Variants in ZNF148 observed in about 807,000 individuals in gnomAD.
ZNF148 encodes zinc finger protein 148, also known as Beta-Enolase Repressor Factor-1.
ZNF148 carries 7 observed loss-of-function variants against 67.7 expected under a neutral mutation model. The observed-to-expected ratio is 0.10, with a 90% confidence interval of 0.06 to 0.19. The LOEUF (loss-of-function observed/expected upper bound fraction) is 0.19. ZNF148 is among the 10% of genes least tolerant of loss of function. ZNF148 has a pLI of 1.00. For missense variants in ZNF148, 583 were observed against 947.1 expected, an observed-to-expected ratio of 0.62 and a Z score of 5.05; for synonymous variants, 333 against 330.7, an observed-to-expected ratio of 1.01 and a Z score of -0.08.
At chr3:125,242,580 G>A (rs1460000283) in intron 7 of ZNF148, among the ~76,000 whole-genome samples, 1 of 152,162 alleles carries the variant, frequency 6.6e-6, no homozygotes, top group East Asian at 1.9e-4. Flanking sequence ...ACAGTGAGCC[G>A]AGACTGCGCC....
chr3:125,237,712 T>G (rs958026087), intron 7 of ZNF148, among the ~76,000 whole-genome samples: 1 of 152,222 alleles, frequency 6.6e-6, no homozygotes, highest in African/African-American at 2.4e-5. Context: ...CAATTAATTC[T>G]ATATATTTGT....
chr3:125,329,205 C>A (rs933481015), intron 2 of ZNF148, among the ~76,000 whole-genome samples: 1 of 148,914 alleles, frequency 6.7e-6, no homozygotes, highest in Non-Finnish European at 1.5e-5. Flanking sequence ...TATGGAAAAA[C>A]ACATATATAT....
At chr3:125,306,055 T>C (rs1939860595) in intron 4 of ZNF148, among the ~76,000 whole-genome samples, 1 of 151,932 alleles carries the variant, frequency 6.6e-6, no homozygotes, top group Non-Finnish European at 1.5e-5. Context: ...TTCAAAATAT[T>C]CAGAAATTAA....
intron 2 of ZNF148, among the ~76,000 whole-genome samples, chr3:125,328,246 C>T (rs1053675362): frequency 2.0e-5 from 3 of 152,072 alleles, no homozygotes; most frequent in African/African-American, 7.2e-5. Context: ...TGATAAAGAC[C>T]TTTAAATCTA....
chr3:125,243,315 G>T lies in ZNF148; in HGVS notation c.668-8986C>A, dbSNP rs140039587. On this transcript the variant is annotated intron_variant, in intron 7 of 8. Coordinates refer to ENST00000360647, the MANE Select transcript of ZNF148 (RefSeq NM_021964.3). ...CGTATGTGTGTGTGGCTATACAAAG[G>T]GTATGGTTTTCTGCTATTTTAATGA... 6.9e-4 allele frequency among the ~76,000 whole-genome samples: 105 copies of T among 151,968 alleles called. No individual in the cohort carries two copies. In the East Asian group the frequency reaches 0.019, roughly 28 times the overall value.
At chr3:125,307,160 A>G (rs2107661227) in intron 4 of ZNF148, among the ~76,000 whole-genome samples, 1 of 152,336 alleles carries the variant, frequency 6.6e-6, no homozygotes, top group Non-Finnish European at 1.5e-5. Context: ...ATCATGACCA[A>G]GTGTGATTTA....
At chr3:125,330,437 G>A (rs1453789083) in intron 2 of ZNF148, among the ~76,000 whole-genome samples, 1 of 139,422 alleles carries the variant, frequency 7.2e-6, no homozygotes, top group African/African-American at 3.0e-5. Flanking sequence ...CTGCACTCCA[G>A]CCTGGGCAAC....
chr3:125,366,765 T>C (rs1326733253), intron 1 of ZNF148, among the ~76,000 whole-genome samples: 1 of 152,232 alleles, frequency 6.6e-6, no homozygotes. Context: ...TCCAAGCCTT[T>C]GCTTACGCTA....
intron 5 of ZNF148, among the ~76,000 whole-genome samples, chr3:125,283,828 C>G (rs1322290205): frequency 6.6e-6 from 1 of 152,102 alleles, no homozygotes; most frequent in African/African-American, 2.4e-5. Context: ...TGGGAACCAA[C>G]AATATATAAT....
chr3:125,329,820 G>C (rs1243638430), intron 2 of ZNF148, among the ~76,000 whole-genome samples: 1 of 151,946 alleles, frequency 6.6e-6, no homozygotes, highest in Non-Finnish European at 1.5e-5. Context: ...AAGTGAAAAG[G>C]AATGATTTGC....
In ZNF148 at chr3:125,321,953, A is replaced by C. The variant is rs573139661; in HGVS notation, c.-17+1356T>G. On this transcript the variant is annotated intron_variant, in intron 3 of 8. Transcript: ENST00000360647. The stretch of plus-strand genomic sequence containing the variant: ...GCCTAGATTGCTAATGGTTATTTTT[A>C]ATACATACTATACAGTAACCAAGAC... Among the ~76,000 whole-genome samples the C allele has an allele frequency of 2.0e-4, 31 of 151,972 alleles. No individual in the cohort carries two copies. The South Asian group carries it at 6.5e-3, about 32-fold the overall frequency.
chr3:125,351,316 A>G, intron 1 of ZNF148, among the ~76,000 whole-genome samples: 1 of 144,834 alleles, frequency 6.9e-6, no homozygotes, highest in Admixed American at 7.2e-5. Context: ...CAGAAGGTTG[A>G]GACTGCAATC....
chr3:125,350,265 A>C (rs1019979648), intron 1 of ZNF148, among the ~76,000 whole-genome samples: 1 of 152,126 alleles, frequency 6.6e-6, no homozygotes, highest in Admixed American at 6.5e-5. Flanking sequence ...GGTTCAAGTG[A>C]TTCTCCCAAC....
At chr3:125,367,440 C>A (rs1485444561) in intron 1 of ZNF148, among the ~76,000 whole-genome samples, 1 of 152,172 alleles carries the variant, frequency 6.6e-6, no homozygotes, top group Admixed American at 6.6e-5. Context: ...GATCTATATT[C>A]TTTAAACAGA....
chr3:125,304,191 T>C (rs1404484934), intron 4 of ZNF148, among the ~76,000 whole-genome samples: 2 of 152,054 alleles, frequency 1.3e-5, no homozygotes, highest in Non-Finnish European at 2.9e-5. Flanking sequence ...CATGGGAGGA[T>C]GGCCCAATAT....
At chr3:125,254,492 T>C (rs1243247214) in intron 7 of ZNF148, among the ~76,000 whole-genome samples, 1 of 152,218 alleles carries the variant, frequency 6.6e-6, no homozygotes, top group African/African-American at 2.4e-5. Context: ...GTAACCACTA[T>C]GTGAATCTGT....
chr3:125,325,063 T>C (rs896697918), intron 2 of ZNF148, among the ~76,000 whole-genome samples: 1 of 152,146 alleles, frequency 6.6e-6, no homozygotes, highest in African/African-American at 2.4e-5. Flanking sequence ...ATGTAAAATA[T>C]CTATTATACA....
intron 2 of ZNF148, among the ~76,000 whole-genome samples, chr3:125,326,088 A>C (rs760208137): frequency 6.6e-6 from 1 of 152,204 alleles, no homozygotes; most frequent in Non-Finnish European, 1.5e-5. Flanking sequence ...ATATTCCCAG[A>C]TAACCAAATA....
chr3:125,241,332 T>A (rs1936348599), intron 7 of ZNF148, among the ~76,000 whole-genome samples: 1 of 150,660 alleles, frequency 6.6e-6, no homozygotes, highest in South Asian at 2.1e-4. Context: ...TTTTTTTTTT[T>A]AAAGACAGGG....
Sources: allele counts gnomAD v4.1 joint callset (sites outside exome capture counted in the v4.1 genomes callset), GRCh38; gene constraint gnomAD v4.1.1; transcripts MANE v1.5; gene names NCBI Gene and HGNC (gene_info 2026-07-23, HGNC 2026-07-21).